Variants in CNOT4 observed in about 807,000 individuals in gnomAD.
CNOT4 encodes CCR4-associated factor 4.
A neutral mutation model predicts 73.8 loss-of-function variants in CNOT4; 8 were observed. The observed-to-expected ratio is 0.11, with a 90% CI of 0.06 to 0.20. The LOEUF (loss-of-function observed/expected upper bound fraction) is 0.20. CNOT4 is among the 10% of genes least tolerant of loss of function. The probability of loss-of-function intolerance (pLI) is 1.00; values close to 1 mark genes in which losing one functional copy is unlikely to be tolerated. For synonymous variants in CNOT4, 293 were observed against 321.1 expected, an observed-to-expected ratio of 0.91 and a Z score of 0.94; for missense variants, 564 against 883.4, an observed-to-expected ratio of 0.64 and a Z score of 4.58.
At chr7:135,458,311 T>C (rs564788330) in intron 1 of CNOT4, among the ~76,000 whole-genome samples, 1 of 152,120 alleles carries the variant, frequency 6.6e-6, no homozygotes, top group Non-Finnish European at 1.5e-5. Context: ...TGCTAAAAAA[T>C]GATAAGATCA....
chr7:135,460,071 TG>T (rs1179629359), intron 1 of CNOT4, among the ~76,000 whole-genome samples: 3 of 152,340 alleles, frequency 2.0e-5, no homozygotes, highest in African/African-American at 7.2e-5. Flanking sequence ...TTTCATACAA[TG>T]GAAGAGAGAG....
intron 2 of CNOT4, among the ~76,000 whole-genome samples, chr7:135,433,069 C>A (rs535221015): frequency 2.0e-5 from 3 of 152,234 alleles, no homozygotes; most frequent in Middle Eastern, 3.4e-3. Flanking sequence ...CGATCATATT[C>A]TTGGATGATT....
At chr7:135,504,068 G>A (rs987848163) in intron 1 of CNOT4, among the ~76,000 whole-genome samples, 3 of 152,084 alleles carry the variant, frequency 2.0e-5, no homozygotes, top group African/African-American at 4.8e-5. Context: ...TGGATTAAAA[G>A]GTTCTTAAAT....
chr7:135,462,367 T>G (rs748404232), intron 1 of CNOT4, among the ~76,000 whole-genome samples: 2 of 152,144 alleles, frequency 1.3e-5, no homozygotes, highest in African/African-American at 2.4e-5. Context: ...TCTCCCTCGA[T>G]CCAATCTCCT....
At chr7:135,402,461 AC>A (rs1291789444) in intron 7 of CNOT4, among the ~76,000 whole-genome samples, 4 of 152,186 alleles carry the variant, frequency 2.6e-5, no homozygotes, top group Non-Finnish European at 5.9e-5. Flanking sequence ...CAAAAGGGCA[AC>A]AGAGCTTTTT....
Position 135,396,107 on chromosome 7 carries a change from C to CTTTTTT in CNOT4, c.880-230_880-225dup, listed in dbSNP as rs71174519. On this transcript the variant is annotated intron_variant, in intron 8 of 11. Coordinates refer to ENST00000541284, the MANE Select transcript of CNOT4 (RefSeq NM_001190850.2). ...GCTTGAAAAGATTAAACTAGTCTCCCTTTTTTTTTTTTTTTTTTTTTTTTT... is the reference window on the plus strand; with the variant it reads ...GCTTGAAAAGATTAAACTAGTCTCCCTTTTTTTTTTTTTTTTTTTTTTTTTTTTTTT... Among the ~76,000 whole-genome samples, 99 of 95,430 alleles carry CTTTTTT rather than the reference C, an allele frequency of 1.0e-3. 9 individuals are homozygous for CTTTTTT. Among genetic ancestry groups the CTTTTTT allele is most frequent in the African/African-American group, 2.4e-3 (53 of 21,834 alleles). 62.6% of individuals were successfully genotyped at this position (95,430 alleles called of 152,430 possible). A position where few individuals can be genotyped will look rare whatever the true frequency, so the allele number is the denominator to read the frequency against.
chr7:135,490,322 C>G (rs1330794943), intron 1 of CNOT4, among the ~76,000 whole-genome samples: 4 of 152,078 alleles, frequency 2.6e-5, no homozygotes, highest in African/African-American at 9.7e-5. Context: ...GCGAAAAGTC[C>G]TAAGAAATAT....
chr7:135,480,130 C>T (rs978875907), intron 1 of CNOT4, among the ~76,000 whole-genome samples: 1 of 152,068 alleles, frequency 6.6e-6, no homozygotes, highest in Admixed American at 6.6e-5. Flanking sequence ...AAGATTTTCT[C>T]CAGTGTTATT....
intron 1 of CNOT4, among the ~76,000 whole-genome samples, chr7:135,504,462 ATTTTTTTTTT>A: frequency 1.8e-5 from 1 of 55,942 alleles, no homozygotes; most frequent in South Asian, 6.2e-4. Context: ...CATCCGGCTA[ATTTTTTTTTT>A]TTTTTTTTTT....
intron 1 of CNOT4, among the ~76,000 whole-genome samples, chr7:135,450,139 A>G (rs1800073632): frequency 2.0e-5 from 3 of 152,292 alleles, no homozygotes; most frequent in South Asian, 2.1e-4. Context: ...TAAGCCCAGG[A>G]GTTCAAGGCC....
intron 1 of CNOT4, among the ~76,000 whole-genome samples, chr7:135,495,863 G>A (rs1803540152): frequency 6.6e-6 from 1 of 151,674 alleles, no homozygotes; most frequent in Non-Finnish European, 1.5e-5. Flanking sequence ...GAGCCCAGGA[G>A]TTCAAGGCTG....
intron 1 of CNOT4, among the ~76,000 whole-genome samples, chr7:135,456,637 C>G (rs537096253): frequency 1.1e-4 from 17 of 152,202 alleles, no homozygotes; most frequent in African/African-American, 4.1e-4. Context: ...TTGCATATTA[C>G]ATATGCAATC....
At chr7:135,453,198 C>T (rs1800285789) in intron 1 of CNOT4, among the ~76,000 whole-genome samples, 1 of 151,806 alleles carries the variant, frequency 6.6e-6, no homozygotes, top group South Asian at 2.1e-4. Flanking sequence ...TACAGTATAC[C>T]ACTAGTAATG....
intron 2 of CNOT4, among the ~76,000 whole-genome samples, chr7:135,431,262 G>C (rs1488894103): frequency 6.6e-6 from 1 of 152,142 alleles, no homozygotes; most frequent in East Asian, 1.9e-4. Flanking sequence ...GCAAGACCTT[G>C]TCTCTAAAAA....
intron 1 of CNOT4, among the ~76,000 whole-genome samples, chr7:135,495,696 AAGAAAGAAAGAAAGAAAG>A (rs1803494080): frequency 4.5e-4 from 11 of 24,334 alleles, no homozygotes; most frequent in African/African-American, 1.3e-3. Flanking sequence ...AAAAAAAAGA[AAGAAAGAAAGAAAGAAAG>A]AAAGAAAGAA....
intron 1 of CNOT4, among the ~76,000 whole-genome samples, chr7:135,488,438 C>A (rs1473759457): frequency 6.6e-6 from 1 of 152,192 alleles, no homozygotes; most frequent in Non-Finnish European, 1.5e-5. Context: ...GTCTTGAACT[C>A]CTGACCTCAA....
intron 1 of CNOT4, among the ~76,000 whole-genome samples, chr7:135,477,918 T>C (rs1802097391): frequency 6.6e-6 from 1 of 152,158 alleles, no homozygotes; most frequent in Non-Finnish European, 1.5e-5. Context: ...TGTTGATATA[T>C]GAATACACTA....
chr7:135,450,484 G>C (rs1229676634), intron 1 of CNOT4, among the ~76,000 whole-genome samples: 1 of 152,080 alleles, frequency 6.6e-6, no homozygotes, highest in African/African-American at 2.4e-5. Flanking sequence ...CTTAGACCCA[G>C]ATTACCAGGC....
intron 1 of CNOT4, among the ~76,000 whole-genome samples, chr7:135,476,216 C>T (rs1322922624): frequency 1.3e-5 from 2 of 152,030 alleles, no homozygotes; most frequent in African/African-American, 2.4e-5. Context: ...TTATCTTCAA[C>T]GAAACTGGGA....
Sources: allele counts gnomAD v4.1 joint callset (sites outside exome capture counted in the v4.1 genomes callset), GRCh38; gene constraint gnomAD v4.1.1; transcripts MANE v1.5; gene names NCBI Gene and HGNC (gene_info 2026-07-23, HGNC 2026-07-21).